The following PTPRR variants were observed in gnomAD, a reference collection of about 807,000 sequenced individuals.
The protein encoded by PTPRR is protein tyrosine phosphatase receptor type R, also known as receptor-type tyrosine-protein phosphatase R.
Under a neutral mutation model 77.2 loss-of-function variants are expected in PTPRR, and 38 were observed. The observed-to-expected ratio is 0.49, with a 90% CI of 0.38 to 0.65. The LOEUF (loss-of-function observed/expected upper bound fraction) is 0.65, where lower values mean the gene tolerates loss of function less well. Among genes scored for constraint, PTPRR ranks in the 30% least tolerant of loss-of-function variants. The probability of loss-of-function intolerance (pLI) is 0.00; values close to 1 mark genes in which losing one functional copy is unlikely to be tolerated. For missense variants in PTPRR, 744 were observed against 799.2 expected (o/e 0.93, Z 0.83); for synonymous variants, 299 against 283.1 (o/e 1.06, Z -0.57).
At chr12:70,846,154 G>T (rs1892479700) in intron 2 of PTPRR, among the ~76,000 whole-genome samples, 2 of 152,126 alleles carry the variant, frequency 1.3e-5, no homozygotes, top group Non-Finnish European at 2.9e-5. Flanking sequence ...AAATTAGTTG[G>T]CTTGAAGGAT....
intron 2 of PTPRR, among the ~76,000 whole-genome samples, chr12:70,880,245 T>G (rs1323678762): frequency 6.6e-6 from 1 of 152,176 alleles, no homozygotes; most frequent in Non-Finnish European, 1.5e-5. Flanking sequence ...GGGTGGGTAT[T>G]ATGAGTATCA....
intron 3 of PTPRR, among the ~76,000 whole-genome samples, chr12:70,763,856 C>T (rs1421264566): frequency 1.3e-5 from 2 of 151,964 alleles, no homozygotes; most frequent in African/African-American, 4.8e-5. Context: ...TTTTTTTGGC[C>T]TTTGCTCACG....
At chr12:70,753,030 T>A (rs1197502833) in intron 5 of PTPRR, among the ~76,000 whole-genome samples, 14 of 151,136 alleles carry the variant, frequency 9.3e-5, no homozygotes, top group Admixed American at 9.3e-4. Flanking sequence ...TTCTTAGAAA[T>A]TTTTTTTTTC....
intron 10 of PTPRR, chr12:70,672,678 C>A: frequency 1.3e-6 from 2 of 1,546,614 alleles, no homozygotes; most frequent in Non-Finnish European, 1.8e-6. Context: ...AGATGGTGGT[C>A]AAGACAGAGG....
chr12:70,890,612 A>C (rs981044735), intron 2 of PTPRR, among the ~76,000 whole-genome samples: 1 of 152,120 alleles, frequency 6.6e-6, no homozygotes, highest in Admixed American at 6.6e-5. Context: ...CTGGAAAAAA[A>C]ATGCCTATAA....
rs373894454 is a variant in PTPRR, at chr12:70,692,445, G to A, written c.1279+5820C>T. On this transcript the variant is annotated intron_variant, in intron 8 of 13. Coordinates refer to ENST00000283228, the MANE Select transcript of PTPRR (RefSeq NM_002849.4). Reference sequence around the variant, plus strand: ...TTATTTAATTTTAATTCATTTAAGTGTAAACTGACCTAGCCATAAGTGGGT... The same window carrying A: ...TTATTTAATTTTAATTCATTTAAGTATAAACTGACCTAGCCATAAGTGGGT... Among the ~76,000 whole-genome samples the A allele has an allele frequency of 7.2e-5, 11 of 152,164 alleles. No individual in the cohort carries two copies. In the East Asian group the frequency reaches 9.6e-4, roughly 13 times the overall value.
At chr12:70,890,550 T>C (rs1339327070) in intron 2 of PTPRR, among the ~76,000 whole-genome samples, 2 of 152,072 alleles carry the variant, frequency 1.3e-5, no homozygotes, top group African/African-American at 2.4e-5. Flanking sequence ...AGCTAGGAAG[T>C]CTTAGAAGTT....
At chr12:70,769,985 T>C (rs1193080266) in intron 2 of PTPRR, among the ~76,000 whole-genome samples, 1 of 152,104 alleles carries the variant, frequency 6.6e-6, no homozygotes, top group African/African-American at 2.4e-5. Context: ...GATCCCTTCC[T>C]TACACCTTAT....
chr12:70,906,375 G>A (rs1893623077), intron 1 of PTPRR, among the ~76,000 whole-genome samples: 1 of 151,870 alleles, frequency 6.6e-6, no homozygotes, highest in Non-Finnish European at 1.5e-5. Flanking sequence ...TAGTATAAAA[G>A]ACACTTTGGG....
Position 70,764,776 on chromosome 12 carries a change from T to C in PTPRR, c.360A>G (p.Thr120=). 6.2e-7 allele frequency: 1 copy of C among 1,609,996 alleles called. No homozygotes were observed. Among genetic ancestry groups the C allele is most frequent in the Non-Finnish European group, 8.5e-7 (1 of 1,176,214 alleles). Residue 120 remains threonine, a splice_region_variant and synonymous_variant, in exon 3 of 14, where the codon ACA becomes ACG. Coordinates refer to ENST00000283228, the MANE Select transcript of PTPRR (RefSeq NM_002849.4). ...TCAGCTTGTTTACATCCATTTGCAG[T>C]GTCTAGAAAATAAGGACAAAAATAA... ...PIPAANVIVV[T]LQMDVNKLNI...
chr12:70,868,885 G>A (rs1336981935), intron 2 of PTPRR, among the ~76,000 whole-genome samples: 1 of 151,658 alleles, frequency 6.6e-6, no homozygotes, highest in Non-Finnish European at 1.5e-5. Context: ...TCCTTTGTAG[G>A]GACATGGATG....
intron 8 of PTPRR, among the ~76,000 whole-genome samples, chr12:70,696,312 T>A (rs1888232260): frequency 6.6e-6 from 1 of 152,152 alleles, no homozygotes; most frequent in African/African-American, 2.4e-5. Flanking sequence ...CTCTCGTTTC[T>A]AGTCTGTGAC....
In PTPRR at chr12:70,684,240, A is replaced by G; in HGVS notation, c.1384T>C (p.Phe462Leu). ...ATCATGGGGCCCTGCGTGGCAATGAAGGCTTTCTCCTTGCCACTGTAGCCC... is the reference window on the plus strand; with the variant it reads ...ATCATGGGGCCCTGCGTGGCAATGAGGGCTTTCTCCTTGCCACTGTAGCCC... ...IRGYSGKEKA[F>L]IATQGPMINT... is the part of the protein sequence containing the mutation. The change falls in exon 10 of 14, where the codon TTC (phenylalanine) becomes CTC (leucine). Residue 462 changes from phenylalanine to leucine, a missense_variant. Transcript: ENST00000283228. 6.2e-7 allele frequency: 1 copy of G among 1,613,968 alleles called. No homozygotes were observed. The highest frequency in any genetic ancestry group is 8.5e-7 in the Non-Finnish European group (1 of 1,179,906).
chr12:70,822,190 A>C (rs1330069457), intron 2 of PTPRR, among the ~76,000 whole-genome samples: 1 of 152,238 alleles, frequency 6.6e-6, no homozygotes, highest in Non-Finnish European at 1.5e-5. Context: ...ACTTTAACCT[A>C]ACATGGAGAA....
intron 2 of PTPRR, among the ~76,000 whole-genome samples, chr12:70,797,361 T>C (rs1891534254): frequency 6.6e-6 from 1 of 152,182 alleles, no homozygotes; most frequent in Non-Finnish European, 1.5e-5. Flanking sequence ...TTTTCTTCCC[T>C]TTTCATTTTC....
intron 2 of PTPRR, among the ~76,000 whole-genome samples, chr12:70,803,084 T>C (rs1355644183): frequency 6.6e-6 from 1 of 152,188 alleles, no homozygotes; most frequent in Non-Finnish European, 1.5e-5. Flanking sequence ...TTAGAAAGAA[T>C]ATTTACCATA....
chr12:70,670,062 T>C (rs75528963), intron 10 of PTPRR, among the ~76,000 whole-genome samples: 9,228 of 152,250 alleles, frequency 0.061, 448 homozygotes, highest in East Asian at 0.15. Context: ...TGTGGCTTTT[T>C]GAGATTGAAC....
intron 6 of PTPRR, among the ~76,000 whole-genome samples, chr12:70,736,337 G>A (rs1889860311): frequency 6.6e-6 from 1 of 152,158 alleles, no homozygotes; most frequent in Admixed American, 6.5e-5. Flanking sequence ...AGGAAAAACA[G>A]TGTGACGCTC....
At chr12:70,706,783 C>T (rs10506604) in intron 6 of PTPRR, among the ~76,000 whole-genome samples, 47,668 of 151,930 alleles carry the variant, frequency 0.31, 7,765 homozygotes, top group South Asian at 0.48. Flanking sequence ...AAAATGCGTT[C>T]AATCATTGTT....
Sources: gnomAD v4.1 joint callset for allele counts (sites outside exome capture counted in the v4.1 genomes callset) on GRCh38, gnomAD v4.1.1 for gene constraint, MANE v1.5 for transcripts, NCBI Gene and HGNC (gene_info 2026-07-23, HGNC 2026-07-21) for gene names.